WDR43: variants seen among roughly 807,000 people sequenced by gnomAD.
WDR43 encodes the protein WD repeat domain 43.
Under a neutral mutation model 91.4 loss-of-function variants are expected in WDR43, and 13 were observed. The ratio of observed to expected loss-of-function variants is 0.14; its 90% CI spans 0.09 to 0.23. The LOEUF is 0.23. Among genes scored for constraint, WDR43 ranks in the 10% least tolerant of loss-of-function variants. The pLI is 1.00. For missense variants in WDR43, 780 were observed against 809.4 expected, an observed-to-expected ratio of 0.96 and a Z score of 0.44; for synonymous variants, 331 against 287.9, an observed-to-expected ratio of 1.15 and a Z score of -1.51.
intron 9 of WDR43, chr2:28,927,069 G>C (rs998993679): frequency 3.9e-6 from 2 of 519,276 alleles, no homozygotes; most frequent in African/African-American, 3.8e-5. Flanking sequence ...GCCAAGACAT[G>C]CTATGATGAC....
chr2:28,906,861 A>G (rs1462367262), intron 3 of WDR43, among the ~76,000 whole-genome samples: 1 of 152,132 alleles, frequency 6.6e-6, no homozygotes, highest in Non-Finnish European at 1.5e-5. Flanking sequence ...GAGGAGGAGA[A>G]GGGATTTCAG....
At position 28,946,886 on chromosome 2, in the gene WDR43, T is replaced by C; in HGVS notation, c.*107T>C. On this transcript the variant is annotated 3_prime_UTR_variant, in exon 18 of 18. Coordinates refer to ENST00000407426, the MANE Select transcript of WDR43 (RefSeq NM_015131.3). ...CCAAGGACCGCTGCACATTTCCAAA[T>C]TCACAGCAGTGGATCCCATGCCACT... 7.7e-7 allele frequency: 1 copy of C among 1,298,926 alleles called. No individual in the cohort carries two copies. Among genetic ancestry groups the C allele is most frequent in the South Asian group, 1.6e-5 (1 of 63,352 alleles). 80.5% of individuals were successfully genotyped at this position (1,298,926 alleles called of 1,614,324 possible).
At chr2:28,906,222 C>G (rs1333827683) in intron 2 of WDR43, among the ~76,000 whole-genome samples, 1 of 152,108 alleles carries the variant, frequency 6.6e-6, no homozygotes, top group Non-Finnish European at 1.5e-5. Flanking sequence ...AACATGGTCG[C>G]CTCTATTTGC....
intron 8 of WDR43, among the ~76,000 whole-genome samples, chr2:28,925,992 C>T (rs528678290): frequency 6.6e-6 from 1 of 152,130 alleles, no homozygotes; most frequent in Non-Finnish European, 1.5e-5. Context: ...CTCCCCCGAT[C>T]CTATTTAATA....
At position 28,922,949 on chromosome 2, in the gene WDR43, G is replaced by A. The variant is rs1386653285; in HGVS notation, c.880G>A (p.Gly294Ser). 19 of 1,611,840 alleles carry A rather than the reference G, an allele frequency of 1.2e-5. No homozygotes were observed. The highest frequency in any genetic ancestry group is 1.5e-5 in the Non-Finnish European group (18 of 1,179,360). Residue 294 changes from glycine (G) to serine (S), a missense_variant, in exon 7 of 18, where the codon GGT (glycine) becomes AGT (serine). Gly to Ser is a moderately conservative substitution (Grantham distance 56, BLOSUM62 0). This residue lies in a region of WDR43 where 426 missense variants were observed against 467.8 expected (regional missense o/e 0.91). Transcript: ENST00000407426. ...PVKLAVVCRDGQVHLFEHILN... is the reference protein window; with the variant it reads ...PVKLAVVCRDSQVHLFEHILN... Reference sequence around the variant, plus strand: ...CAAGTTGGCTGTTGTTTGCAGAGATGGTCAAGTCCATCTTTTTGAACACAT... The same window carrying A: ...CAAGTTGGCTGTTGTTTGCAGAGATAGTCAAGTCCATCTTTTTGAACACAT...
rs1671167263 is a variant in WDR43, at chr2:28,927,630, A to G, written c.1235A>G (p.His412Arg). The G allele has an allele frequency of 3.7e-6, 6 of 1,613,932 alleles. No individual in the cohort carries two copies. In the East Asian group the frequency reaches 6.7e-5, roughly 18 times the overall value. Residue 412 changes from histidine (H) to arginine (R), a missense_variant, in exon 10 of 18, where the codon CAT becomes CGT. Coordinates refer to ENST00000407426, the MANE Select transcript of WDR43 (RefSeq NM_015131.3). ...KVLVPGIPGH[H>R]AAIKPAPPQT... Reference sequence around the variant, plus strand: ...CTGGTGCCTGGGATTCCTGGTCATCATGCAGCTATCAAGCCCGCTCCTCCA... The same window carrying G: ...CTGGTGCCTGGGATTCCTGGTCATCGTGCAGCTATCAAGCCCGCTCCTCCA...
At position 28,929,780 on chromosome 2, in the gene WDR43, A is replaced by G. The variant is rs780603285; in HGVS notation, c.1437+70A>G. ...TCTTAGAAAATGATTGACATAGCACATTCACAGCTGTGAGCCATCATGTTA... is the reference window on the plus strand; with the variant it reads ...TCTTAGAAAATGATTGACATAGCACGTTCACAGCTGTGAGCCATCATGTTA... On this transcript the variant is annotated intron_variant, in intron 11 of 17. Transcript: ENST00000407426. 1,337 of 1,481,914 alleles carry G rather than the reference A, an allele frequency of 9.0e-4. 4 individuals are homozygous for G. The highest frequency in any genetic ancestry group is 1.0e-3 in the Non-Finnish European group (1,107 of 1,078,756). 91.8% of individuals were successfully genotyped at this position (1,481,914 alleles called of 1,614,324 possible). A position where few individuals can be genotyped will look rare whatever the true frequency, so the allele number is the denominator to read the frequency against.
chr2:28,931,800 T>A (rs1192462196), intron 11 of WDR43, among the ~76,000 whole-genome samples: 1 of 151,908 alleles, frequency 6.6e-6, no homozygotes, highest in Non-Finnish European at 1.5e-5. Flanking sequence ...AATAGAGAAG[T>A]GGTTGAATGA....
At chr2:28,944,383 A>G (rs1258426558) in intron 16 of WDR43, among the ~76,000 whole-genome samples, 1 of 152,240 alleles carries the variant, frequency 6.6e-6, no homozygotes, top group Non-Finnish European at 1.5e-5. Flanking sequence ...ATAAATATAG[A>G]TAGACTTTTC....
At chr2:28,910,361 G>C (rs116524153) in intron 3 of WDR43, among the ~76,000 whole-genome samples, 1,617 of 152,282 alleles carry the variant, frequency 0.011, 30 homozygotes, top group African/African-American at 0.036. Context: ...GAGAATTGAA[G>C]CTGTGGGAAT....
chr2:28,902,223 G>A (rs1670591064), intron 2 of WDR43, 99 bp downstream of exon 2: 1 of 1,250,216 alleles, frequency 8.0e-7, no homozygotes, highest in Non-Finnish European at 1.1e-6. Context: ...GATGGGATCT[G>A]TGCAGTAGGG....
rs546417526 is a variant in WDR43 at position 28,914,085 on chromosome 2, C to T, written c.623C>T (p.Ala208Val). 1.9e-6 allele frequency: 3 copies of T among 1,613,618 alleles called. No homozygotes were observed. The highest frequency in any genetic ancestry group is 2.2e-5 in the East Asian group (1 of 44,892). ...TTTCTCTAGCATTTCACAGGACATG[C>T]AACGCCAGTTTCGTCACTGATGTTC... The part of the protein sequence containing the change: ...KEVYRHFTGH[A>V]TPVSSLMFTT... The change falls in exon 5 of 18, where the codon GCA becomes GTA. Residue 208 changes from alanine to valine, a missense_variant. Ala to Val is a moderately conservative substitution (Grantham distance 64, BLOSUM62 0). This residue lies in a region of WDR43 where 174 missense variants were observed against 207.3 expected (regional missense o/e 0.84). Coordinates refer to ENST00000407426, the MANE Select transcript of WDR43 (RefSeq NM_015131.3).
intron 14 of WDR43, among the ~76,000 whole-genome samples, chr2:28,938,268 T>A (rs774735718): frequency 1.3e-5 from 2 of 152,190 alleles, no homozygotes; most frequent in Non-Finnish European, 2.9e-5. Context: ...AGAAAAGTTA[T>A]ATAATGACAT....
chr2:28,905,665 C>CT (rs942200958), intron 2 of WDR43, among the ~76,000 whole-genome samples: 1,788 of 80,120 alleles, frequency 0.022, 38 homozygotes, highest in African/African-American at 0.051. Flanking sequence ...CTCTTCTTCT[C>CT]TTTTTTTTTT....
chr2:28,900,615 G>A (rs1393309928), intron 1 of WDR43, among the ~76,000 whole-genome samples: 1 of 152,080 alleles, frequency 6.6e-6, no homozygotes, highest in African/African-American at 2.4e-5. Context: ...TTTTGCCCCT[G>A]GAATCATTCA....
chr2:28,910,659 ACGTG>A (rs1171643190), intron 3 of WDR43, among the ~76,000 whole-genome samples: 1 of 129,178 alleles, frequency 7.7e-6, no homozygotes, highest in African/African-American at 2.7e-5. Flanking sequence ...TATACAGATA[ACGTG>A]CGTGTGTGTG....
chr2:28,916,801 T>G (rs1317363571), intron 5 of WDR43, among the ~76,000 whole-genome samples: 2 of 152,246 alleles, frequency 1.3e-5, no homozygotes, highest in Admixed American at 6.5e-5. Flanking sequence ...TCTATTTATT[T>G]TTTTGTTTAT....
chr2:28,920,162 TAA>T (rs1178447627), intron 6 of WDR43, among the ~76,000 whole-genome samples: 1 of 150,198 alleles, frequency 6.7e-6, no homozygotes, highest in African/African-American at 2.5e-5. Flanking sequence ...GACTGTAAAA[TAA>T]AGAGATTGAT....
intron 16 of WDR43, among the ~76,000 whole-genome samples, chr2:28,943,669 G>T (rs978218427): frequency 2.6e-5 from 4 of 152,160 alleles, no homozygotes; most frequent in Non-Finnish European, 5.9e-5. Flanking sequence ...GACTCTTGGT[G>T]TGTTTATTGA....
Sources: gnomAD v4.1 joint callset for allele counts (sites outside exome capture counted in the v4.1 genomes callset) on GRCh38, gnomAD v4.1.1 for gene constraint, gnomAD v4.1.1 regional missense constraint, MANE v1.5 for transcripts, NCBI Gene and HGNC (gene_info 2026-07-23, HGNC 2026-07-21) for gene names.